RABGEF1: variants seen among roughly 807,000 people sequenced by gnomAD.
RABGEF1 encodes RAB guanine nucleotide exchange factor 1, also known as rab5 GDP/GTP exchange factor.
A neutral mutation model predicts 57.3 loss-of-function variants in RABGEF1; 26 were observed. The observed-to-expected ratio is 0.45, with a 90% CI of 0.33 to 0.63. RABGEF1 has a LOEUF of 0.63. Among genes scored for constraint, RABGEF1 ranks in the 20% least tolerant of loss-of-function variants. The pLI is 0.02. For synonymous variants in RABGEF1, 185 were observed against 210.7 expected (o/e 0.88, Z 1.06); for missense variants, 464 against 607.6 (o/e 0.76, Z 2.48).
intron 5 of RABGEF1, chr7:66,796,980 T>A (rs1327948689): frequency 7.2e-6 from 3 of 418,540 alleles, no homozygotes; most frequent in Non-Finnish European, 1.4e-5. Context: ...GTAAATTAGT[T>A]TTTTGCTGTG....
chr7:66,754,262 A>G (rs1802182352), intron 1 of RABGEF1, among the ~76,000 whole-genome samples: 1 of 152,002 alleles, frequency 6.6e-6, no homozygotes, highest in African/African-American at 2.4e-5. Context: ...TTGGCCTCCC[A>G]AAGTGCTGGG....
rs771574875 is a variant in RABGEF1, at chr7:66,805,246, G to A, written c.927G>A (p.Pro309=). The part of the protein sequence containing the change: ...FNAIKITKNE[P]ASADDFLPTL... ...CCATCAAGATCACCAAGAATGAGCCGGCGTCAGCGGATGACTTCCTCCCCA... is the reference window on the plus strand; with the variant it reads ...CCATCAAGATCACCAAGAATGAGCCAGCGTCAGCGGATGACTTCCTCCCCA... The change falls in exon 8 of 9, where the codon CCG becomes CCA. Residue 309 remains proline (P), a synonymous_variant. Coordinates refer to ENST00000284957, the MANE Select transcript of RABGEF1 (RefSeq NM_014504.3). 8.7e-6 allele frequency: 14 copies of A among 1,614,140 alleles called. No individual in the cohort carries two copies. Among genetic ancestry groups the A allele is most frequent in the South Asian group, 4.4e-5 (4 of 91,080 alleles).
At chr7:66,773,298 G>T (rs1360392530) in intron 2 of RABGEF1, among the ~76,000 whole-genome samples, 1 of 152,142 alleles carries the variant, frequency 6.6e-6, no homozygotes, top group Non-Finnish European at 1.5e-5. Flanking sequence ...AAACAGAGTA[G>T]AGGCCACTAG....
In RABGEF1 at chr7:66,809,100, C is replaced by T. The variant is rs146626029; in HGVS notation, c.1292C>T (p.Ala431Val). 15 of 1,613,876 alleles carry T rather than the reference C, an allele frequency of 9.3e-6. No homozygotes were observed. Among genetic ancestry groups the T allele is most frequent in the Non-Finnish European group, 1.3e-5 (15 of 1,180,010 alleles). ...NERQERIMNEAKKLEKDLIDW... is the reference protein window; with the variant it reads ...NERQERIMNEVKKLEKDLIDW... Reference sequence around the variant, plus strand: ...CGACAAGAAAGGATCATGAATGAAGCCAAGAAACTGGAAAAAGACCTCATA... The same window carrying T: ...CGACAAGAAAGGATCATGAATGAAGTCAAGAAACTGGAAAAAGACCTCATA... Residue 431 changes from alanine to valine, a missense_variant, in exon 9 of 9, where the codon GCC (alanine) becomes GTC (valine). Physicochemically the swap from Ala to Val is moderately conservative, Grantham distance 64 (BLOSUM62 0). This residue lies in a region of RABGEF1 where 151 missense variants were observed against 152.2 expected (regional missense o/e 0.99). Transcript: ENST00000284957.
chr7:66,703,958 A>C (rs936599897), intron 1 of RABGEF1, among the ~76,000 whole-genome samples: 5 of 152,164 alleles, frequency 3.3e-5, no homozygotes, highest in Non-Finnish European at 7.3e-5. Context: ...GGCTTTCTTT[A>C]ATCTCTTTCA....
intron 7 of RABGEF1, among the ~76,000 whole-genome samples, chr7:66,802,531 G>C (rs1270720672): frequency 6.6e-6 from 1 of 152,238 alleles, no homozygotes; most frequent in East Asian, 1.9e-4. Context: ...TAGCAGGCAG[G>C]CTGGGGAGGG....
chr7:66,790,589 G>A (rs1466519487), intron 4 of RABGEF1, among the ~76,000 whole-genome samples: 2 of 152,202 alleles, frequency 1.3e-5, no homozygotes, highest in Non-Finnish European at 2.9e-5. Flanking sequence ...TGAGGTGAAG[G>A]AAGCTTAGCT....
chr7:66,746,888 G>T (rs1800384485), intron 1 of RABGEF1, among the ~76,000 whole-genome samples: 1 of 152,020 alleles, frequency 6.6e-6, no homozygotes, highest in Non-Finnish European at 1.5e-5. Flanking sequence ...TGCCTCCTGG[G>T]TTCAAGTGAT....
chr7:66,760,122 G>A (rs192839351), intron 1 of RABGEF1, among the ~76,000 whole-genome samples: 167 of 152,304 alleles, frequency 1.1e-3, no homozygotes, highest in African/African-American at 3.5e-3. Context: ...CTGAGAATGT[G>A]CATCATTTGA....
chr7:66,706,513 G>A (rs1264418442), intron 1 of RABGEF1, among the ~76,000 whole-genome samples: 1 of 149,426 alleles, frequency 6.7e-6, no homozygotes, highest in East Asian at 2.0e-4. Context: ...GGGTTCAAGC[G>A]ATTCTCCTGC....
chr7:66,720,467 G>GTGTA (rs1795918058), intron 2 of RABGEF1, among the ~76,000 whole-genome samples: 1 of 150,428 alleles, frequency 6.6e-6, no homozygotes, highest in South Asian at 2.1e-4. Flanking sequence ...TAAAGTGCTA[G>GTGTA]GATTACAGGC....
intron 1 of RABGEF1, among the ~76,000 whole-genome samples, chr7:66,742,415 A>G (rs568560809): frequency 4.7e-3 from 718 of 152,284 alleles, no homozygotes; most frequent in South Asian, 7.9e-3. Flanking sequence ...GTGGTAAGGA[A>G]TGTGAGCTAA....
intron 1 of RABGEF1, among the ~76,000 whole-genome samples, chr7:66,752,111 T>C (rs756634015): frequency 4.6e-5 from 7 of 151,956 alleles, no homozygotes; most frequent in Non-Finnish European, 8.8e-5. Context: ...AGGCTCAAGA[T>C]TGCTTGAGGC....
intron 4 of RABGEF1, among the ~76,000 whole-genome samples, chr7:66,790,831 T>C: frequency 6.6e-6 from 1 of 152,328 alleles, no homozygotes; most frequent in East Asian, 1.9e-4. Context: ...ACTTACTTAG[T>C]AAAAAAGGCC....
rs533652657 is a variant in RABGEF1, at chr7:66,754,190, G to A, written c.-18+13398G>A. Among the ~76,000 whole-genome samples the A allele has an allele frequency of 2.0e-5, 3 of 151,362 alleles. No homozygotes were observed. In the East Asian group the frequency reaches 5.9e-4, roughly 30 times the overall value. The stretch of plus-strand genomic sequence containing the variant: ...CTAATTTTTTTGTATTTTTAGTAGA[G>A]ACGGGGTTTCACTATGTTAGCCAGG... On this transcript the variant is annotated intron_variant, in intron 1 of 8. Coordinates refer to ENST00000284957, the MANE Select transcript of RABGEF1 (RefSeq NM_014504.3).
At chr7:66,684,976 G>A (rs976709503) in intron 1 of RABGEF1, among the ~76,000 whole-genome samples, 3 of 151,744 alleles carry the variant, frequency 2.0e-5, no homozygotes, top group African/African-American at 7.3e-5. Context: ...TGTTTCCCAG[G>A]GTGGTCTCCA....
At chr7:66,744,173 C>G (rs1377885398) in intron 1 of RABGEF1, among the ~76,000 whole-genome samples, 4 of 151,544 alleles carry the variant, frequency 2.6e-5, no homozygotes, top group African/African-American at 4.9e-5. Flanking sequence ...GTAGCTGGGA[C>G]TGACCATAGA....
At chr7:66,774,856 G>T (rs944776591) in intron 2 of RABGEF1, among the ~76,000 whole-genome samples, 1 of 152,190 alleles carries the variant, frequency 6.6e-6, no homozygotes, top group African/African-American at 2.4e-5. Context: ...AGATTGAGTT[G>T]TTCTTTCCTG....
At chr7:66,742,937 A>G (rs1253153082) in intron 1 of RABGEF1, among the ~76,000 whole-genome samples, 4 of 152,186 alleles carry the variant, frequency 2.6e-5, no homozygotes, top group Non-Finnish European at 5.9e-5. Flanking sequence ...AGTGCAGGAC[A>G]GAGATGTAGG....
Sources: allele counts gnomAD v4.1 joint callset (sites outside exome capture counted in the v4.1 genomes callset), GRCh38; gene constraint gnomAD v4.1.1; regional missense constraint gnomAD v4.1.1; transcripts MANE v1.5; gene names NCBI Gene and HGNC (gene_info 2026-07-23, HGNC 2026-07-21).